The following NLRP7 variants were observed in gnomAD, a reference collection of about 807,000 sequenced individuals.
The protein encoded by NLRP7 is NACHT, LRR and PYD domains-containing protein 7.
NLRP7 carries 72 observed loss-of-function variants against 85.5 expected under a neutral mutation model. The ratio of observed to expected loss-of-function variants is 0.84; its 90% confidence interval spans 0.70 to 1.02. NLRP7 has a LOEUF of 1.02. NLRP7 is among the 50% of genes least tolerant of loss of function. The probability of loss-of-function intolerance (pLI) is 0.00; values close to 1 mark genes in which losing one functional copy is unlikely to be tolerated. For missense variants in NLRP7, 1,243 were observed against 1,219.5 expected, an observed-to-expected ratio of 1.02 and a Z score of -0.29; for synonymous variants, 550 against 505.2, an observed-to-expected ratio of 1.09 and a Z score of -1.19.
chr19:54,944,831 C>T (rs1346294087), intron 1 of NLRP7, among the ~76,000 whole-genome samples: 1 of 151,936 alleles, frequency 6.6e-6, no homozygotes, highest in Non-Finnish European at 1.5e-5. Context: ...CAGCATGGAG[C>T]GATGTTATAT....
At chr19:54,946,823 A>G (rs1455271723) in intron 1 of NLRP7, among the ~76,000 whole-genome samples, 2 of 152,072 alleles carry the variant, frequency 1.3e-5, no homozygotes, top group African/African-American at 4.8e-5. Flanking sequence ...TGTTTTTAGT[A>G]GAGACAGGGT....
intron 5 of NLRP7, 121 bp from the exon 6 acceptor site, chr19:54,936,552 T>A: frequency 1.1e-6 from 1 of 877,232 alleles, no homozygotes; most frequent in Non-Finnish European, 1.9e-6. Flanking sequence ...CCGGGTGCAG[T>A]GGCTCGTGTC....
intron 8 of NLRP7, 86 bp from the exon 9 acceptor site, chr19:54,930,752 C>A (rs191185659): frequency 9.2e-7 from 1 of 1,090,600 alleles, no homozygotes; most frequent in East Asian, 2.4e-5. Context: ...ATATACCTTC[C>A]ACTTATATAC....
At chr19:54,961,722 G>T (rs1369146253) in intron 1 of NLRP7, among the ~76,000 whole-genome samples, 2 of 150,916 alleles carry the variant, frequency 1.3e-5, no homozygotes, top group African/African-American at 4.9e-5. Context: ...TGAGGCAAGA[G>T]AATTGCTTGA....
At chr19:54,954,390 T>C (rs2365585) in intron 1 of NLRP7, among the ~76,000 whole-genome samples, 43,195 of 143,632 alleles carry the variant, frequency 0.3, 8,485 homozygotes, top group East Asian at 0.39. Context: ...ATTAGCTGGG[T>C]GCGGTGGCGG....
At chr19:54,936,567 AC>A in intron 5 of NLRP7, 136 bp from the exon 6 acceptor site, 1 of 773,338 alleles carries the variant, frequency 1.3e-6, no homozygotes, top group Non-Finnish European at 2.2e-6. Flanking sequence ...CGTGTCTGTA[AC>A]CCCAGCACTT....
At position 54,934,705 on chromosome 19, in the gene NLRP7, T is replaced by G; in HGVS notation, c.2301-46A>C. ...GTCATTCTTCTGGGAGGACAGAGTA[T>G]ACCCTATCAGCTTTTTTTTTTTGAG... On this transcript the variant is annotated intron_variant, in intron 6 of 9. Transcript: ENST00000340844. This position sits in a 1 kb window ranked among gnomAD's most constrained non-coding sequence, Gnocchi z 6.7. 1 of 1,499,260 alleles carries G rather than the reference T, an allele frequency of 6.7e-7. No homozygotes were observed. 92.9% of individuals were successfully genotyped at this position (1,499,260 alleles called of 1,614,324 possible).
In NLRP7 at chr19:54,933,807, G is replaced by T; in HGVS notation, c.2472-68C>A. 3.0e-6 allele frequency: 4 copies of T among 1,312,718 alleles called. No individual in the cohort carries two copies. In the South Asian group the frequency reaches 4.7e-5, roughly 15 times the overall value. The allele number at this position is 1,312,718 out of a possible 1,614,324, so 81.3% of individuals were successfully genotyped here. On this transcript the variant is annotated intron_variant, in intron 7 of 9. Transcript: ENST00000340844. ...CCACAACTCCAACCTGCTCAGTGAT[G>T]TCCACATGCTAGGGTACTCAGCTTC...
intron 1 of NLRP7, among the ~76,000 whole-genome samples, chr19:54,954,258 T>G (rs1357062598): frequency 1.4e-5 from 2 of 147,512 alleles, no homozygotes; most frequent in African/African-American, 2.5e-5. Flanking sequence ...CCGGGCGCGG[T>G]GGTCACGCCT....
exon 6 of NLRP7, chr19:54,936,261 C>T (rs1344505509): frequency 8.1e-6 from 13 of 1,612,704 alleles, no homozygotes; most frequent in Non-Finnish European, 1.1e-5. Flanking sequence ...TGAGACCCAC[C>T]TCAGGTACTG....
At chr19:54,961,344 C>T (rs2070036111) in intron 1 of NLRP7, among the ~76,000 whole-genome samples, 1 of 151,838 alleles carries the variant, frequency 6.6e-6, no homozygotes, top group Non-Finnish European at 1.5e-5. Flanking sequence ...AACCCCGTGT[C>T]TACTAAAAAT....
chr19:54,933,586 A>G (rs766057520), exon 8 of NLRP7: 1 of 1,614,206 alleles, frequency 6.2e-7, no homozygotes. Context: ...TCTGCAGTTT[A>G]CAATCAGGGT....
At position 54,934,371 on chromosome 19, in the gene NLRP7, G is replaced by T; in HGVS notation, c.2471+118C>A. The T allele has an allele frequency of 2.0e-6, 2 of 999,034 alleles. No individual in the cohort carries two copies. Among genetic ancestry groups the T allele is most frequent in the Non-Finnish European group, 3.2e-6 (2 of 619,414 alleles). 61.9% of individuals were successfully genotyped at this position (999,034 alleles called of 1,614,324 possible). ...CAGGAGCCACCGTGCCGGGCCTGAA[G>T]CAGGTGTTTATTTCAGCAAGAGGCG... is the stretch of plus-strand genomic sequence containing the variant. On this transcript the variant is annotated intron_variant, in intron 7 of 9. Coordinates refer to ENST00000340844, the Ensembl canonical transcript of NLRP7. The surrounding 1 kb of genome is among the most constrained non-coding windows in gnomAD (Gnocchi z 6.7).
In NLRP7 at chr19:54,934,716, C is replaced by CTTTT; in HGVS notation, c.2301-61_2301-58dup. The CTTTT allele has an allele frequency of 8.9e-7, 1 of 1,129,370 alleles. No homozygotes were observed. The highest frequency in any genetic ancestry group is 1.2e-6 in the Non-Finnish European group (1 of 831,928). The allele number at this position is 1,129,370 out of a possible 1,614,324, so 70.0% of individuals were successfully genotyped here. A position where few individuals can be genotyped will look rare whatever the true frequency, so the allele number is the denominator to read the frequency against. ...GGGAGGACAGAGTATACCCTATCAG[C>CTTTT]TTTTTTTTTTTGAGACAGAGTTTCA... On this transcript the variant is annotated intron_variant, in intron 6 of 9. Coordinates refer to ENST00000340844, the Ensembl canonical transcript of NLRP7. The surrounding 1 kb of genome is among the most constrained non-coding windows in gnomAD (Gnocchi z 6.7).
intron 8 of NLRP7, among the ~76,000 whole-genome samples, chr19:54,931,890 T>C (rs897396339): frequency 4.0e-5 from 6 of 151,764 alleles, no homozygotes; most frequent in Non-Finnish European, 7.4e-5. Flanking sequence ...TTCCATCCAT[T>C]TCCAGCTCTG....
intron 1 of NLRP7, among the ~76,000 whole-genome samples, chr19:54,952,748 C>T (rs954029427): frequency 6.6e-6 from 1 of 152,126 alleles, no homozygotes; most frequent in African/African-American, 2.4e-5. Flanking sequence ...GGGCAACGGA[C>T]CTACTGTCAG....
chr19:54,954,528 CAAAAAAAAAAA>C (rs35846819), intron 1 of NLRP7, among the ~76,000 whole-genome samples: 24 of 47,518 alleles, frequency 5.1e-4, no homozygotes, highest in Non-Finnish European at 8.6e-4. Context: ...GACTCCGTCT[CAAAAAAAAAAA>C]AAAAAAAAAA....
intron 1 of NLRP7, among the ~76,000 whole-genome samples, chr19:54,964,687 G>T (rs949599305): frequency 6.8e-6 from 1 of 147,134 alleles, no homozygotes; most frequent in African/African-American, 2.5e-5. Context: ...TTAACCAGGC[G>T]TTGTGGCGCA....
At chr19:54,936,808 G>A (rs530474579) in intron 5 of NLRP7, among the ~76,000 whole-genome samples, 2 of 152,228 alleles carry the variant, frequency 1.3e-5, no homozygotes, top group Admixed American at 6.5e-5. Flanking sequence ...CCAGGTATTC[G>A]GGAGGCTGAG....
Sources: gnomAD v4.1 joint callset for allele counts (sites outside exome capture counted in the v4.1 genomes callset) on GRCh38, gnomAD v4.1.1 for gene constraint, Gnocchi (gnomAD v3.1) non-coding constraint, MANE v1.5 for transcripts, NCBI Gene and HGNC (gene_info 2026-07-23, HGNC 2026-07-21) for gene names.